Variants in ICA1 observed in about 807,000 individuals in gnomAD.
The protein encoded by ICA1 is 69 kDa islet cell autoantigen.
Under a neutral mutation model 71.0 loss-of-function variants are expected in ICA1, and 40 were observed. The ratio of observed to expected loss-of-function variants is 0.56; its 90% CI spans 0.44 to 0.73. The LOEUF is 0.73. Among genes scored for constraint, ICA1 ranks in the 30% least tolerant of loss-of-function variants. The probability of loss-of-function intolerance (pLI) is 0.00; values close to 1 mark genes in which losing one functional copy is unlikely to be tolerated. For synonymous variants in ICA1, 207 were observed against 209.5 expected, an observed-to-expected ratio of 0.99 and a Z score of 0.10; for missense variants, 578 against 576.5, an observed-to-expected ratio of 1.00 and a Z score of -0.03.
intron 6 of ICA1, among the ~76,000 whole-genome samples, chr7:8,188,384 C>T (rs1399725648): frequency 1.3e-5 from 2 of 152,158 alleles, no homozygotes; most frequent in Non-Finnish European, 2.9e-5. Flanking sequence ...TAACTCTCCT[C>T]AAAACTGCTC....
At chr7:8,241,757 G>GTTGC (rs376237486) in intron 1 of ICA1, among the ~76,000 whole-genome samples, 2,035 of 152,226 alleles carry the variant, frequency 0.013, 12 homozygotes, top group Non-Finnish European at 0.023. Context: ...AACAGCAGGG[G>GTTGC]TTGCAATCCT....
chr7:8,211,491 T>C (rs1793771418), intron 6 of ICA1, among the ~76,000 whole-genome samples: 1 of 151,956 alleles, frequency 6.6e-6, no homozygotes, highest in Admixed American at 6.5e-5. Context: ...CTGAGTACCA[T>C]GGGCCCTGGA....
At chr7:8,162,598 C>G (rs920763001) in intron 6 of ICA1, among the ~76,000 whole-genome samples, 8 of 152,218 alleles carry the variant, frequency 5.3e-5, no homozygotes, top group Non-Finnish European at 7.3e-5. Context: ...TATTATTCCT[C>G]TCAACCCTAG....
chr7:8,156,241 T>C (rs904874052), intron 8 of ICA1, among the ~76,000 whole-genome samples: 1 of 152,212 alleles, frequency 6.6e-6, no homozygotes, highest in African/African-American at 2.4e-5. Context: ...AAAAAATGGT[T>C]TAAAGCAAAA....
In ICA1 at chr7:8,113,211, AATT is replaced by A. The variant is rs1229456660; in HGVS notation, c.*709_*711del. Reference sequence around the variant, plus strand: ...TGCATGTCAAATATCTTTTCTGTTTAATTAAAAAAAAAAAAAAAACAATGTCAC... The same window carrying A: ...TGCATGTCAAATATCTTTTCTGTTTAAAAAAAAAAAAAAAAACAATGTCAC... On this transcript the variant is annotated 3_prime_UTR_variant, in exon 14 of 14. Transcript: ENST00000402384. The surrounding 1 kb of genome is among the most constrained non-coding windows in gnomAD (Gnocchi z 4.2). 2.8e-5 allele frequency: 3 copies of A among 109,084 alleles called. No homozygotes were observed. Among genetic ancestry groups the A allele is most frequent in the Non-Finnish European group, 6.7e-5 (3 of 44,560 alleles). 6.8% of individuals were successfully genotyped at this position (109,084 alleles called of 1,614,324 possible). A position where few individuals can be genotyped will look rare whatever the true frequency, so the allele number is the denominator to read the frequency against.
intron 6 of ICA1, among the ~76,000 whole-genome samples, chr7:8,176,190 G>T (rs1028106983): frequency 2.0e-5 from 3 of 152,210 alleles, no homozygotes; most frequent in African/African-American, 7.2e-5. Flanking sequence ...TTAGTCCAGA[G>T]GTCTCCTTTC....
chr7:8,200,309 AG>A (rs1459218533), intron 6 of ICA1, among the ~76,000 whole-genome samples: 1 of 126,278 alleles, frequency 7.9e-6, no homozygotes, highest in African/African-American at 2.8e-5. Flanking sequence ...GGCTTCTTAA[AG>A]TCTTTGAGAA....
rs267601580 is a variant in ICA1 at position 8,141,809 on chromosome 7, G to A, written c.911C>T (p.Ser304Leu). 1 of 1,565,316 alleles carries A rather than the reference G, an allele frequency of 6.4e-7. No individual in the cohort carries two copies. The highest frequency in any genetic ancestry group is 1.4e-5 in the African/African-American group (1 of 73,542). The change falls in exon 10 of 14, where the codon TCA (serine) becomes TTA (leucine). Residue 304 changes from serine to leucine, a missense_variant. Ser to Leu is a moderately radical substitution (Grantham distance 145). Transcript: ENST00000402384. The part of the protein sequence containing the change: ...AAVQEPSQLI[S>L]LEEENQRKES... ...CTTGCGCTGGTTTTCTTCCTCTAAT[G>A]AAATTAATCTTAAAATAAAAAAGAG...
chr7:8,183,105 C>A (rs948445158), intron 6 of ICA1, among the ~76,000 whole-genome samples: 3 of 152,178 alleles, frequency 2.0e-5, no homozygotes, highest in African/African-American at 4.8e-5. Context: ...AAAGTTACAA[C>A]TAAATAGACC....
At chr7:8,200,338 C>CA (rs34371233) in intron 6 of ICA1, among the ~76,000 whole-genome samples, 18,400 of 67,956 alleles carry the variant, frequency 0.27, 5,072 homozygotes, top group African/African-American at 0.66. Flanking sequence ...CACAGTTGAG[C>CA]AAAAAAAAAA....
At chr7:8,170,259 T>C (rs1416637269) in intron 6 of ICA1, among the ~76,000 whole-genome samples, 1 of 152,060 alleles carries the variant, frequency 6.6e-6, no homozygotes, top group East Asian at 1.9e-4. Context: ...TTACAGTAAG[T>C]CTTGAAATCA....
chr7:8,127,815 T>G, intron 13 of ICA1, 58 bp downstream of exon 13: 1 of 1,507,856 alleles, frequency 6.6e-7, no homozygotes, highest in Admixed American at 2.2e-5. Flanking sequence ...TGCTTTTGGA[T>G]TGAAAACAAA....
At chr7:8,216,289 T>C (rs1583349748) in intron 6 of ICA1, among the ~76,000 whole-genome samples, 1 of 152,300 alleles carries the variant, frequency 6.6e-6, no homozygotes, top group African/African-American at 2.4e-5. Flanking sequence ...GTTTCTGTCC[T>C]TGTGGAGAGT....
intron 9 of ICA1, among the ~76,000 whole-genome samples, chr7:8,143,256 TC>T (rs1795818222): frequency 6.6e-6 from 1 of 152,178 alleles, no homozygotes; most frequent in African/African-American, 2.4e-5. Flanking sequence ...GAAAAGTTCA[TC>T]TCAGTATTTA....
chr7:8,163,083 A>C (rs1584765151), intron 6 of ICA1, among the ~76,000 whole-genome samples: 1 of 152,078 alleles, frequency 6.6e-6, no homozygotes, highest in Non-Finnish European at 1.5e-5. Flanking sequence ...TGTATTTTAG[A>C]GCCTCCTTAG....
chr7:8,218,537 T>G, intron 5 of ICA1, 34 bp from the exon 6 acceptor site: 1 of 1,572,918 alleles, frequency 6.4e-7, no homozygotes, highest in South Asian at 1.1e-5. Flanking sequence ...CTCTCAAAAC[T>G]AAGCCAGTGA....
intron 6 of ICA1, among the ~76,000 whole-genome samples, chr7:8,183,911 C>G (rs114144162): frequency 1.3e-5 from 2 of 151,932 alleles, no homozygotes; most frequent in Admixed American, 6.5e-5. Context: ...TGGGCACAAA[C>G]AATATATAAA....
At chr7:8,156,201 T>C (rs1046489730) in intron 8 of ICA1, among the ~76,000 whole-genome samples, 3 of 152,216 alleles carry the variant, frequency 2.0e-5, no homozygotes, top group Non-Finnish European at 1.5e-5. Context: ...CTTGTATGTA[T>C]GCACTGACAT....
At chr7:8,241,902 C>A (rs932906035) in intron 1 of ICA1, among the ~76,000 whole-genome samples, 1 of 152,042 alleles carries the variant, frequency 6.6e-6, no homozygotes, top group Non-Finnish European at 1.5e-5. Flanking sequence ...ACAAGAGCAC[C>A]CAGATTCATA....
Sources: gnomAD v4.1 joint callset for allele counts (sites outside exome capture counted in the v4.1 genomes callset) on GRCh38, gnomAD v4.1.1 for gene constraint, Gnocchi (gnomAD v3.1) non-coding constraint, MANE v1.5 for transcripts, NCBI Gene and HGNC (gene_info 2026-07-23, HGNC 2026-07-21) for gene names.